Variants in C12orf42 observed in about 807,000 individuals in gnomAD.
C12orf42 encodes chromosome 12 open reading frame 42.
C12orf42 carries 25 observed loss-of-function variants against 21.6 expected under a neutral mutation model. That is an observed-to-expected ratio of 1.16 (90% CI 0.84 to 1.62). The LOEUF (loss-of-function observed/expected upper bound fraction) is 1.62. C12orf42 is among the 40% of genes most tolerant of loss of function. The pLI is 0.00. For synonymous variants in C12orf42, 174 were observed against 175.0 expected (o/e 0.99, Z 0.05); for missense variants, 483 against 459.3 (o/e 1.05, Z -0.47).
At chr12:103,196,120 G>T in the C12orf42 span, among the ~76,000 whole-genome samples, 1 of 151,988 alleles carries the variant, frequency 6.6e-6, no homozygotes, top group African/African-American at 2.4e-5. Flanking sequence ...CAAATGTTTT[G>T]TTATGTTGTA....
chr12:103,347,359 CCATGTCCATGCAAAGGA>C (rs1302732674), intron 4 of C12orf42, among the ~76,000 whole-genome samples: 3 of 152,116 alleles, frequency 2.0e-5, no homozygotes, highest in Non-Finnish European at 4.4e-5. Flanking sequence ...CCAGCTTCAT[CCATGTCCATGCAAAGGA>C]CATGAACTCA....
At chr12:103,278,726 T>A (rs192783937) in intron 4 of C12orf42, among the ~76,000 whole-genome samples, 12 of 152,344 alleles carry the variant, frequency 7.9e-5, no homozygotes, top group Admixed American at 1.3e-4. Context: ...ACTGGGGCTC[T>A]AAGTGGGGAA....
downstream of C12orf42, among the ~76,000 whole-genome samples, chr12:103,232,722 A>AAG (rs1264971394): frequency 6.6e-6 from 1 of 151,924 alleles, no homozygotes; most frequent in Non-Finnish European, 1.5e-5. Context: ...AAAAAAAAAA[A>AAG]AAAAAAGTTC....
the C12orf42 span, among the ~76,000 whole-genome samples, chr12:103,146,912 A>T: frequency 6.6e-6 from 1 of 152,188 alleles, no homozygotes; most frequent in Non-Finnish European, 1.5e-5. Flanking sequence ...CTGCATTTTG[A>T]CAAAATAACA....
chr12:103,268,552 G>A (rs1184379314), exon 7 of C12orf42: 2 of 151,314 alleles, frequency 1.3e-5, no homozygotes, highest in African/African-American at 4.9e-5. Context: ...TTTAAAGTGT[G>A]ACTGTTGAAT....
chr12:103,107,435 G>T, the C12orf42 span, among the ~76,000 whole-genome samples: 1 of 151,736 alleles, frequency 6.6e-6, no homozygotes, highest in African/African-American at 2.4e-5. Context: ...TTATACCTTG[G>T]CACGAGTAAG....
At chr12:103,298,173 T>C (rs1487110867), downstream of C12orf42, among the ~76,000 whole-genome samples, 1 of 152,002 alleles carries the variant, frequency 6.6e-6, no homozygotes, top group African/African-American at 2.4e-5. Context: ...TTGTCCCTGT[T>C]TGCAGATGAC....
At chr12:103,062,750 T>G in the C12orf42 span, among the ~76,000 whole-genome samples, 1 of 152,252 alleles carries the variant, frequency 6.6e-6, no homozygotes, top group East Asian at 1.9e-4. Flanking sequence ...ACTTGGAGTT[T>G]GCAGCATTCT....
At position 103,274,767 on chromosome 12, in the gene C12orf42, C is replaced by CA. The variant is rs1206128488; in HGVS notation, n.398+2382dup. ...CTTGTTGCCAAAAAGAAAACAAAAACAAAAAAACAGAACACAACTGGTTTA... is the reference window on the plus strand; with the variant it reads ...CTTGTTGCCAAAAAGAAAACAAAAACAAAAAAAACAGAACACAACTGGTTTA... On this transcript the variant is annotated intron_variant and non_coding_transcript_variant, in intron 5 of 6. Transcript: ENST00000546526. 5.3e-5 allele frequency among the ~76,000 whole-genome samples: 8 copies of CA among 152,068 alleles called. No homozygotes were observed. In the South Asian group the frequency reaches 1.7e-3, roughly 32 times the overall value.
chr12:103,331,392 G>C (rs2041228205), intron 4 of C12orf42, among the ~76,000 whole-genome samples: 1 of 152,172 alleles, frequency 6.6e-6, no homozygotes, highest in African/African-American at 2.4e-5. Context: ...GATTAACCCT[G>C]ATCCAATCAT....
chr12:103,225,854 T>A, the C12orf42 span, among the ~76,000 whole-genome samples: 1 of 152,078 alleles, frequency 6.6e-6, no homozygotes, highest in African/African-American at 2.4e-5. Flanking sequence ...AAGAAGGGGA[T>A]GGGCTTACCT....
At chr12:103,497,992 G>A (rs183904774), upstream of C12orf42, among the ~76,000 whole-genome samples, 4 of 151,652 alleles carry the variant, frequency 2.6e-5, no homozygotes, top group Admixed American at 2.0e-4. Context: ...CAGAGACAGC[G>A]CCACTTCACT....
intron 4 of C12orf42, chr12:103,368,241 C>G (rs1439775943): frequency 2.4e-6 from 1 of 424,270 alleles, no homozygotes; most frequent in Non-Finnish European, 4.6e-6. Context: ...TGTCCTGTAT[C>G]AATTTATTTA....
Position 103,368,947 on chromosome 12 carries a change from G to A in C12orf42, c.199C>T (p.His67Tyr). Residue 67 changes from histidine (H) to tyrosine (Y), a missense_variant, in exon 4 of 6, where the codon CAC (histidine) becomes TAC (tyrosine). Coordinates refer to ENST00000548883, the MANE Select transcript of C12orf42 (RefSeq NM_198521.5). ...GGAGATTCAGAGAAATTCTTCATGT[G>A]ATTAATGAATCTGGAGCAGGGTACT... Reference protein sequence around the residue: ...TSVPCSRFINHMKNFSESPKF... With the variant: ...TSVPCSRFINYMKNFSESPKF... 1.2e-6 allele frequency: 2 copies of A among 1,600,990 alleles called. No individual in the cohort carries two copies. Among genetic ancestry groups the A allele is most frequent in the South Asian group, 2.3e-5 (2 of 88,702 alleles).
At chr12:103,444,995 A>T (rs1296532386) in intron 2 of C12orf42, among the ~76,000 whole-genome samples, 1 of 152,108 alleles carries the variant, frequency 6.6e-6, no homozygotes, top group Non-Finnish European at 1.5e-5. Flanking sequence ...ATCCATAAGT[A>T]ATAAACCATA....
downstream of C12orf42, among the ~76,000 whole-genome samples, chr12:103,234,976 TAAA>T (rs956785995): frequency 3.3e-5 from 5 of 152,114 alleles, no homozygotes; most frequent in East Asian, 9.6e-4. Flanking sequence ...ATATAAATGT[TAAA>T]AAAATATGCA....
upstream of C12orf42, among the ~76,000 whole-genome samples, chr12:103,500,087 T>A (rs140041741): frequency 2.0e-3 from 309 of 152,350 alleles, no homozygotes; most frequent in African/African-American, 7.0e-3. Flanking sequence ...CTTCAGCCTT[T>A]TAACTGTTAC....
intron 4 of C12orf42, among the ~76,000 whole-genome samples, chr12:103,358,698 G>A (rs1804286193): frequency 6.6e-6 from 1 of 151,576 alleles, no homozygotes; most frequent in Non-Finnish European, 1.5e-5. Context: ...GAAGTTTACT[G>A]GTTTTATCCA....
intron 4 of C12orf42, among the ~76,000 whole-genome samples, chr12:103,351,497 T>C (rs145855193): frequency 2.0e-5 from 3 of 152,276 alleles, no homozygotes; most frequent in African/African-American, 7.2e-5. Context: ...TTTTCTTTTA[T>C]CAAAGGGCAA....
Sources: gnomAD v4.1 joint callset for allele counts (sites outside exome capture counted in the v4.1 genomes callset) on GRCh38, gnomAD v4.1.1 for gene constraint, MANE v1.5 for transcripts, NCBI Gene and HGNC (gene_info 2026-07-23, HGNC 2026-07-21) for gene names.